Variants in PAK4 observed in about 807,000 individuals in gnomAD.
The protein encoded by PAK4 is p21 (RAC1) activated kinase 4.
A neutral mutation model predicts 53.5 loss-of-function variants in PAK4; 49 were observed. The observed-to-expected ratio is 0.92, with a 90% CI of 0.73 to 1.16. PAK4 has a LOEUF of 1.16. Among genes scored for constraint, PAK4 ranks in the 50% most tolerant of loss-of-function variants. PAK4 has a pLI of 0.00. For missense variants in PAK4, 824 were observed against 850.7 expected (o/e 0.97, Z 0.39); for synonymous variants, 376 against 375.6 (o/e 1.00, Z -0.01).
chr19:39,145,668 T>A (rs988463935), intron 1 of PAK4, among the ~76,000 whole-genome samples: 10 of 152,148 alleles, frequency 6.6e-5, no homozygotes, highest in Admixed American at 6.5e-4. Flanking sequence ...ATGTAAGGTG[T>A]AATGGGGCGC....
chr19:39,158,025 TGA>T (rs1187602616), intron 1 of PAK4, among the ~76,000 whole-genome samples: 3 of 152,110 alleles, frequency 2.0e-5, no homozygotes, highest in South Asian at 2.1e-4. Context: ...TGCATGTGTG[TGA>T]GTGTGCATGT....
At position 39,148,575 on chromosome 19, in the gene PAK4, C is replaced by T. The variant is rs1358385884; in HGVS notation, c.-22-20957C>T. Among the ~76,000 whole-genome samples, 7 of 137,564 alleles carry T rather than the reference C, an allele frequency of 5.1e-5. No homozygotes were observed. In the East Asian group the frequency reaches 1.6e-3, roughly 32 times the overall value. The allele number at this position is 137,564 out of a possible 152,430, so 90.2% of individuals were successfully genotyped here. ...GTTCAAGTGATGCTTCTGCTTCAGC[C>T]TCCCAAGTAGCTGGGACTAGGGAGG... On this transcript the variant is annotated intron_variant, in intron 1 of 8. Coordinates refer to ENST00000358301, the Ensembl canonical transcript of PAK4.
At chr19:39,150,893 A>AT (rs1218383597) in intron 1 of PAK4, among the ~76,000 whole-genome samples, 1 of 151,940 alleles carries the variant, frequency 6.6e-6, no homozygotes, top group African/African-American at 2.4e-5. Flanking sequence ...GGACTTTCAC[A>AT]TTTTTTGCGT....
intron 1 of PAK4, chr19:39,168,711 C>G (rs1600390569): frequency 6.6e-6 from 1 of 152,254 alleles, no homozygotes; most frequent in African/African-American, 2.4e-5. Flanking sequence ...TTGCTCTGTG[C>G]TTGGTACTGT....
intron 1 of PAK4, among the ~76,000 whole-genome samples, chr19:39,137,034 CCT>C (rs928819542): frequency 7.9e-4 from 120 of 152,292 alleles, no homozygotes; most frequent in African/African-American, 2.8e-3. Context: ...GCTGCTTGGG[CCT>C]CTCTCTGCCT....
intron 1 of PAK4, among the ~76,000 whole-genome samples, chr19:39,154,527 G>A (rs1311923779): frequency 2.6e-5 from 4 of 152,210 alleles, no homozygotes; most frequent in Admixed American, 2.6e-4. Flanking sequence ...TTACCCTTTG[G>A]TGCCTTTTGT....
intron 1 of PAK4, among the ~76,000 whole-genome samples, chr19:39,146,263 G>GC (rs1197869898): frequency 6.6e-6 from 1 of 152,172 alleles, no homozygotes; most frequent in Non-Finnish European, 1.5e-5. Flanking sequence ...GAAAGCACAG[G>GC]CCAGAGTGTG....
At chr19:39,169,392 G>T (rs2074433066) in intron 1 of PAK4, 140 bp from the exon 3 acceptor site, 1 of 655,426 alleles carries the variant, frequency 1.5e-6, no homozygotes. Context: ...GGGCGCAGGG[G>T]GTGGGCAGGG....
chr19:39,176,516 A>G (rs923295489), intron 6 of PAK4, 74 bp from the exon 8 acceptor site: 45 of 1,588,434 alleles, frequency 2.8e-5, no homozygotes, highest in South Asian at 6.6e-5. Context: ...CCAAGGAATG[A>G]CGCAGGCAGA....
At chr19:39,160,790 G>A (rs1377292116) in intron 1 of PAK4, among the ~76,000 whole-genome samples, 1 of 152,262 alleles carries the variant, frequency 6.6e-6, no homozygotes, top group Non-Finnish European at 1.5e-5. Flanking sequence ...AATGTCTTCA[G>A]ATTCCCTTCT....
chr19:39,135,103 C>T (rs549823737), intron 1 of PAK4: 23 of 152,246 alleles, frequency 1.5e-4, no homozygotes, highest in African/African-American at 5.3e-4. Context: ...TGTGTATCCT[C>T]CTAGCGGTGG....
intron 1 of PAK4, among the ~76,000 whole-genome samples, chr19:39,137,242 G>A (rs1221305287): frequency 6.6e-6 from 1 of 152,050 alleles, no homozygotes; most frequent in African/African-American, 2.4e-5. Context: ...CCCGGTTGCC[G>A]CCCATTTGGA....
chr19:39,179,525 G>A (rs2074678692), downstream of PAK4: 1 of 152,150 alleles, frequency 6.6e-6, no homozygotes, highest in Non-Finnish European at 1.5e-5. Context: ...GGGCAAGGGT[G>A]GGGTGGGGAG....
At position 39,173,365 on chromosome 19, in the gene PAK4, C is replaced by G; in HGVS notation, c.652C>G (p.Arg218Gly). The change falls in exon 3 of 9, where the codon CGG (arginine) becomes GGG (glycine). Residue 218 changes from arginine to glycine, a missense_variant. By Grantham distance (125) the Arg-to-Gly change is moderately radical (BLOSUM62 -2). Coordinates refer to ENST00000358301, the Ensembl canonical transcript of PAK4. The surrounding 1 kb of genome is among the most constrained non-coding windows in gnomAD (Gnocchi z 6.9). The stretch of plus-strand genomic sequence containing the variant: ...GAGGGCTGACACGGACCACCCATCC[C>G]GGGGTGCCCAGGTAACCCATCCCCC... 1 of 1,532,814 alleles carries G rather than the reference C, an allele frequency of 6.5e-7. No homozygotes were observed. 95.0% of individuals were successfully genotyped at this position (1,532,814 alleles called of 1,614,324 possible).
exon 3 of PAK4, chr19:39,172,922 T>C: frequency 6.5e-7 from 1 of 1,530,620 alleles, no homozygotes; most frequent in African/African-American, 1.4e-5. Flanking sequence ...CCCCAGACCA[T>C]CGTGCGGGGC....
intron 1 of PAK4, among the ~76,000 whole-genome samples, chr19:39,146,207 G>GGGAGACAGATAT (rs1568504923): frequency 6.6e-6 from 1 of 151,548 alleles, no homozygotes; most frequent in South Asian, 2.1e-4. Context: ...AATACAGTGA[G>GGGAGACAGATAT]GGAGACAGAC....
intron 1 of PAK4, among the ~76,000 whole-genome samples, chr19:39,167,756 G>T (rs1487943199): frequency 1.3e-5 from 2 of 152,164 alleles, no homozygotes; most frequent in Non-Finnish European, 2.9e-5. Flanking sequence ...CTAGCTCTGG[G>T]CAGGGCCTCA....
exon 7 of PAK4, chr19:39,176,694 C>T: frequency 1.9e-6 from 3 of 1,611,338 alleles, no homozygotes; most frequent in Non-Finnish European, 2.5e-6. Flanking sequence ...AGCTCATCTC[C>T]CGCCTTCCCT....
In PAK4 at chr19:39,178,279, A is replaced by T; in HGVS notation, c.1621-145A>T. 1.3e-6 allele frequency: 1 copy of T among 764,372 alleles called. No homozygotes were observed. Among genetic ancestry groups the T allele is most frequent in the Non-Finnish European group, 2.1e-6 (1 of 486,774 alleles). 47.3% of individuals were successfully genotyped at this position (764,372 alleles called of 1,614,324 possible). A position where few individuals can be genotyped will look rare whatever the true frequency, so the allele number is the denominator to read the frequency against. Reference sequence around the variant, plus strand: ...ACTGTCCCTGTCCCGTCTACACCCCAAGATCTAGACACCCATGACCTCCGC... The same window carrying T: ...ACTGTCCCTGTCCCGTCTACACCCCTAGATCTAGACACCCATGACCTCCGC... On this transcript the variant is annotated intron_variant, in intron 8 of 8. Transcript: ENST00000358301. The surrounding 1 kb of genome is among the most constrained non-coding windows in gnomAD (Gnocchi z 4.4).
Sources: allele counts gnomAD v4.1 joint callset (sites outside exome capture counted in the v4.1 genomes callset), GRCh38; gene constraint gnomAD v4.1.1; non-coding constraint Gnocchi (gnomAD v3.1); transcripts MANE v1.5; gene names NCBI Gene and HGNC (gene_info 2026-07-23, HGNC 2026-07-21).